Variants in NDE1 observed in about 807,000 individuals in gnomAD.
NDE1 encodes the protein nuclear distribution protein nudE homolog 1.
A neutral mutation model predicts 43.4 loss-of-function variants in NDE1; 28 were observed. That is an observed-to-expected ratio of 0.65 (90% CI 0.48 to 0.89). NDE1 has a LOEUF of 0.89. Ranked by LOEUF, NDE1 falls within the 40% of genes least tolerant of loss-of-function variation. The pLI, the probability that NDE1 is intolerant of heterozygous loss-of-function variation, is 0.00. For missense variants in NDE1, 441 were observed against 434.1 expected (o/e 1.02, Z -0.14); for synonymous variants, 184 against 172.0 (o/e 1.07, Z -0.55).
chr16:15,706,764 T>G (rs2039479942), intron 8 of NDE1, among the ~76,000 whole-genome samples: 1 of 152,090 alleles, frequency 6.6e-6, no homozygotes, highest in South Asian at 2.1e-4. Flanking sequence ...TCCACATCAG[T>G]GCTCTAGGCA....
At chr16:15,721,275 C>T in intron 8 of NDE1, 3 of 1,035,590 alleles carry the variant, frequency 2.9e-6, no homozygotes, top group Non-Finnish European at 2.9e-6. Context: ...CCCCTCCCAG[C>T]CCCTGCACCA....
intron 1 of NDE1, among the ~76,000 whole-genome samples, chr16:15,653,821 A>G (rs912175569): frequency 2.7e-5 from 4 of 150,612 alleles, no homozygotes; most frequent in Non-Finnish European, 4.4e-5. Context: ...ACCGCCTCCC[A>G]TGCTCAAGTG....
chr16:15,676,148 C>A (rs2037861551), intron 3 of NDE1, among the ~76,000 whole-genome samples: 1 of 145,334 alleles, frequency 6.9e-6, no homozygotes, highest in African/African-American at 2.5e-5. Context: ...CTCCCTTCCT[C>A]TCTCCTCTCT....
chr16:15,720,097 G>A, intron 8 of NDE1: 1 of 1,612,188 alleles, frequency 6.2e-7, no homozygotes, highest in Non-Finnish European at 8.5e-7. Context: ...TCGGTGGCCT[G>A]AGGGGAACTG....
At chr16:15,706,977 A>G (rs1032064543) in intron 8 of NDE1, among the ~76,000 whole-genome samples, 1 of 152,160 alleles carries the variant, frequency 6.6e-6, no homozygotes, top group Non-Finnish European at 1.5e-5. Context: ...GACACCAACT[A>G]TACCTGTTAC....
chr16:15,677,995 C>A (rs772530377), intron 4 of NDE1, 46 bp downstream of exon 4: 2 of 1,610,722 alleles, frequency 1.2e-6, no homozygotes, highest in Non-Finnish European at 1.7e-6. Context: ...CTCCTCTCTG[C>A]TTTTTGTCCC....
At chr16:15,672,708 A>C (rs2037658699) in intron 3 of NDE1, 1 of 152,216 alleles carries the variant, frequency 6.6e-6, no homozygotes, top group African/African-American at 2.4e-5. Flanking sequence ...GAGATCTCTC[A>C]ATCGCCAGTG....
chr16:15,683,014 CAT>C (rs1491473987), intron 4 of NDE1, among the ~76,000 whole-genome samples: 2 of 151,580 alleles, frequency 1.3e-5, no homozygotes, highest in African/African-American at 4.8e-5. Context: ...CCAACTTACA[CAT>C]TTTTTTTTTT....
In NDE1 at chr16:15,724,677, C is replaced by A; in HGVS notation, c.*426C>A. 6.2e-7 allele frequency: 1 copy of A among 1,614,202 alleles called. No individual in the cohort carries two copies. The highest frequency in any genetic ancestry group is 8.5e-7 in the Non-Finnish European group (1 of 1,180,024). ...TGTTGAGAGTGGAGATGTGGCGCTC[C>A]AGGTTCTGCTTGGCCTCCATCTCCT... On this transcript the variant is annotated 3_prime_UTR_variant, in exon 9 of 9. Transcript: ENST00000396354.
intron 4 of NDE1, among the ~76,000 whole-genome samples, chr16:15,678,888 A>T (rs1490991409): frequency 2.0e-5 from 3 of 152,044 alleles, no homozygotes; most frequent in Non-Finnish European, 2.9e-5. Flanking sequence ...CATCCTGGCT[A>T]ACATGGTGAA....
chr16:15,667,627 G>GT lies in NDE1; in HGVS notation c.237+192dup, dbSNP rs1177615503. On this transcript the variant is annotated intron_variant, in intron 3 of 8. Coordinates refer to ENST00000396354, the MANE Select transcript of NDE1 (RefSeq NM_017668.3). ...GTGCCTCTAGTGGGTGGTGCTTTTT[G>GT]TTTTGTTTTTTTTTTTTTTTTGAGA... 0.27 allele frequency among the ~76,000 whole-genome samples: 30,342 copies of GT among 112,302 alleles called. 5,299 individuals are homozygous for GT. The highest frequency in any genetic ancestry group is 0.33 in the Middle Eastern group (59 of 180). The allele number at this position is 112,302 out of a possible 152,430, so 73.7% of individuals were successfully genotyped here. A position where few individuals can be genotyped will look rare whatever the true frequency, so the allele number is the denominator to read the frequency against.
Position 15,691,203 on chromosome 16 carries a change from A to C in NDE1, c.583A>C (p.Ser195Arg). Residue 195 changes from serine to arginine, a missense_variant, in exon 6 of 9, where the codon AGC (serine) becomes CGC (arginine). Ser to Arg is a moderately radical substitution (Grantham distance 110). Transcript: ENST00000396354. ...KQEKPRTPMPSSVEAERTDTA... is the reference protein window; with the variant it reads ...KQEKPRTPMPRSVEAERTDTA... ...GGAGAAACCCAGGACCCCCATGCCCAGCTCAGTGGAAGCTGAGAGGACAGA... is the reference window on the plus strand; with the variant it reads ...GGAGAAACCCAGGACCCCCATGCCCCGCTCAGTGGAAGCTGAGAGGACAGA... 1 of 1,614,168 alleles carries C rather than the reference A, an allele frequency of 6.2e-7. No individual in the cohort carries two copies. The highest frequency in any genetic ancestry group is 1.1e-5 in the South Asian group (1 of 91,082).
chr16:15,719,578 G>A (rs750377968), intron 8 of NDE1: 2 of 1,614,028 alleles, frequency 1.2e-6, no homozygotes, highest in South Asian at 1.1e-5. Context: ...GCAAGGCGAG[G>A]CTTTACCTCT....
chr16:15,708,230 T>G (rs535514713), intron 8 of NDE1, among the ~76,000 whole-genome samples: 216 of 152,280 alleles, frequency 1.4e-3, no homozygotes, highest in Non-Finnish European at 2.4e-3. Flanking sequence ...GACATCGCAG[T>G]GAGCTCATTT....
intron 5 of NDE1, among the ~76,000 whole-genome samples, chr16:15,689,746 C>T (rs1472820306): frequency 1.3e-5 from 2 of 152,020 alleles, no homozygotes; most frequent in African/African-American, 2.4e-5. Flanking sequence ...TAGAGTCCAG[C>T]CTGGACAACA....
chr16:15,650,099 C>T (rs990624034), upstream of NDE1: 15 of 152,706 alleles, frequency 9.8e-5, no homozygotes, highest in Non-Finnish European at 1.8e-4. Flanking sequence ...CGCGCCCGGC[C>T]TGGGAAAAAA....
intron 8 of NDE1, chr16:15,721,796 C>T (rs2040499863): frequency 4.3e-6 from 3 of 704,960 alleles, no homozygotes; most frequent in Non-Finnish European, 4.9e-6. Flanking sequence ...ATCTGGCGTT[C>T]TGACTTCTAC....
At chr16:15,696,566 A>T in intron 7 of NDE1, 143 bp from the exon 8 acceptor site, 1 of 1,481,250 alleles carries the variant, frequency 6.8e-7, no homozygotes. Flanking sequence ...TATACGTTGG[A>T]TTCCTCTTGG....
At chr16:15,717,476 CT>C in intron 8 of NDE1, 1 of 924,342 alleles carries the variant, frequency 1.1e-6, no homozygotes, top group East Asian at 2.6e-5. Context: ...CTGTCCTCTC[CT>C]TCATCCTGTA....
Sources: allele counts gnomAD v4.1 joint callset (sites outside exome capture counted in the v4.1 genomes callset), GRCh38; gene constraint gnomAD v4.1.1; transcripts MANE v1.5; gene names NCBI Gene and HGNC (gene_info 2026-07-23, HGNC 2026-07-21).